Variants in WNK3 observed in about 807,000 individuals in gnomAD.
The protein encoded by WNK3 is serine/threonine-protein kinase WNK3.
Under a neutral mutation model 116.7 loss-of-function variants are expected in WNK3, and 18 were observed. That is an observed-to-expected ratio of 0.15 (90% confidence interval 0.11 to 0.23). The LOEUF (loss-of-function observed/expected upper bound fraction) is 0.23, where lower values mean the gene tolerates loss of function less well. Ranked by LOEUF, WNK3 falls within the 10% of genes least tolerant of loss-of-function variation. The pLI is 1.00. For missense variants in WNK3, 993 were observed against 1,323.8 expected (o/e 0.75, Z 3.88); for synonymous variants, 404 against 469.4 (o/e 0.86, Z 1.80).
rs1557140839 is a variant in WNK3 at position 54,198,539 on chromosome X, G to A, written c.5188C>T (p.Pro1730Ser). Residue 1730 changes from proline to serine, a missense_variant, in exon 24 of 24, where the codon CCA (proline) becomes TCA (serine). Physicochemically the swap from Pro to Ser is moderately conservative, Grantham distance 74. Coordinates refer to ENST00000354646, the Ensembl canonical transcript of WNK3. ...TGAGGCATTCCATATGATGATAATG[G>A]CCCAGGAAATGAAGGGAGTGAGAGT... is the stretch of plus-strand genomic sequence containing the variant. 1 of 1,210,866 alleles carries A rather than the reference G, an allele frequency of 8.3e-7. No individual in the cohort carries two copies. The highest frequency in any genetic ancestry group is 1.7e-5 in the African/African-American group (1 of 57,661).
exon 10 of WNK3, chrX:54,292,925 A>G (rs1237347688): frequency 2.5e-6 from 3 of 1,208,792 alleles, no homozygotes; most frequent in Non-Finnish European, 3.4e-6. Context: ...TAATGGGGAA[A>G]CCTGGGGTTG....
At chrX:54,262,535 CT>C (rs1388125430) in intron 10 of WNK3, among the ~76,000 whole-genome samples, 1 of 111,305 alleles carries the variant, frequency 9.0e-6, no homozygotes, top group Non-Finnish European at 1.9e-5. Flanking sequence ...TCACCCTTTC[CT>C]TTCTTATTTC....
chrX:54,262,509 A>T (rs1320619682), intron 10 of WNK3, among the ~76,000 whole-genome samples: 1 of 111,554 alleles, frequency 9.0e-6, no homozygotes, highest in Admixed American at 9.6e-5. Flanking sequence ...TTTATGGCAC[A>T]GTTTTTCTTC....
intron 17 of WNK3, among the ~76,000 whole-genome samples, chrX:54,243,420 C>CA (rs782696727): frequency 0.082 from 1,318 of 16,086 alleles, 78 homozygotes; most frequent in African/African-American, 0.14. Context: ...GACTCCGTCT[C>CA]AAAAAAAAAA....
chrX:54,310,411 T>C (rs992479910), intron 3 of WNK3, among the ~76,000 whole-genome samples: 1 of 109,298 alleles, frequency 9.1e-6, no homozygotes, highest in African/African-American at 3.3e-5. Context: ...GCCAGGCATG[T>C]TGCTGCATGC....
exon 23 of WNK3, chrX:54,202,126 G>T (rs781819566): frequency 8.3e-7 from 1 of 1,210,676 alleles, no homozygotes; most frequent in Non-Finnish European, 1.1e-6. Context: ...AGTCATCTGT[G>T]AACATCCCTT....
At chrX:54,338,064 A>G (rs1229039330) in intron 1 of WNK3, among the ~76,000 whole-genome samples, 1 of 111,311 alleles carries the variant, frequency 9.0e-6, no homozygotes, top group Non-Finnish European at 1.9e-5. Flanking sequence ...TTGTCTCAAA[A>G]CAAAACAAAA....
intron 7 of WNK3, among the ~76,000 whole-genome samples, chrX:54,297,094 C>T (rs1292661637): frequency 3.6e-5 from 4 of 111,290 alleles, no homozygotes; most frequent in African/African-American, 1.3e-4. Context: ...CTTAGGGAAA[C>T]TGAAGCTGGA....
chrX:54,260,511 T>C (rs1443934844), intron 10 of WNK3, among the ~76,000 whole-genome samples: 5 of 111,650 alleles, frequency 4.5e-5, no homozygotes, highest in Non-Finnish European at 9.4e-5. Flanking sequence ...TATAATCACT[T>C]GCAATTATTA....
intron 22 of WNK3, among the ~76,000 whole-genome samples, chrX:54,217,315 C>CAAAA (rs782153999): frequency 8.6e-4 from 43 of 49,935 alleles, no homozygotes; most frequent in African/African-American, 2.7e-3. Flanking sequence ...AAGACTCCAT[C>CAAAA]AAAAAAAAAA....
chrX:54,223,893 T>C, intron 22 of WNK3: 1 of 137,006 alleles, frequency 7.3e-6, no homozygotes, highest in Non-Finnish European at 1.5e-5. Flanking sequence ...ACTGTCGCCT[T>C]CACACAGATT....
At chrX:54,257,170 G>C (rs1421046791) in intron 11 of WNK3, among the ~76,000 whole-genome samples, 1 of 111,201 alleles carries the variant, frequency 9.0e-6, no homozygotes, top group African/African-American at 3.3e-5. Flanking sequence ...TCCCAGTCCA[G>C]AGGCAAAGGC....
chrX:54,340,873 G>A (rs896411270), intron 1 of WNK3, among the ~76,000 whole-genome samples: 2 of 111,746 alleles, frequency 1.8e-5, no homozygotes, highest in South Asian at 3.8e-4. Flanking sequence ...CACTGCTAGT[G>A]GGAATGTAAA....
chrX:54,255,082 C>T (rs927171986), intron 12 of WNK3, among the ~76,000 whole-genome samples: 5 of 110,355 alleles, frequency 4.5e-5, no homozygotes, highest in African/African-American at 6.6e-5. Context: ...TGGGTTCAAG[C>T]GATTCTCCTG....
At chrX:54,196,568 A>G (rs1435257097) in exon 24 of WNK3, 1 of 111,299 alleles carries the variant, frequency 9.0e-6, no homozygotes, top group Non-Finnish European at 1.9e-5. Context: ...AATGTTGGGT[A>G]GCAATTTGGA....
At chrX:54,337,557 C>CAAATAAATAAATAAATAAAT (rs56172743) in intron 1 of WNK3, among the ~76,000 whole-genome samples, 3,700 of 73,799 alleles carry the variant, frequency 0.05, 119 homozygotes, top group East Asian at 0.064. Flanking sequence ...AGACTAGTCT[C>CAAATAAATAAATAAATAAAT]AAATAAATAA....
chrX:54,309,320 A>G lies in WNK3; in HGVS notation c.711-5T>C, dbSNP rs782553397. 8.6e-6 allele frequency: 10 copies of G among 1,168,610 alleles called. No homozygotes were observed. Among genetic ancestry groups the G allele is most frequent in the Non-Finnish European group, 1.0e-5 (9 of 859,601 alleles). On this transcript the variant is annotated splice_polypyrimidine_tract_variant and splice_region_variant and intron_variant, in intron 3 of 23. Coordinates refer to ENST00000354646, the Ensembl canonical transcript of WNK3. ...ACTTTAAATCGTTTTAAGTACCTAT[A>G]CAAAGAAACAAAAGACCATGTGTAA... is the stretch of plus-strand genomic sequence containing the variant.
At chrX:54,259,301 G>C in exon 11 of WNK3, 1 of 1,199,261 alleles carries the variant, frequency 8.3e-7, no homozygotes, top group Non-Finnish European at 1.1e-6. Context: ...TTTTAGAAGA[G>C]CTGCTTGTTG....
chrX:54,214,162 T>A (rs184924527), intron 22 of WNK3, among the ~76,000 whole-genome samples: 1 of 110,619 alleles, frequency 9.0e-6, no homozygotes, highest in Non-Finnish European at 1.9e-5. Context: ...TTTGTATTTT[T>A]AGTAGACACG....
Sources: allele counts gnomAD v4.1 joint callset (sites outside exome capture counted in the v4.1 genomes callset), GRCh38; gene constraint gnomAD v4.1.1; transcripts MANE v1.5; gene names NCBI Gene and HGNC (gene_info 2026-07-23, HGNC 2026-07-21).